Variants in CEP70 observed in about 807,000 individuals in gnomAD.
CEP70 encodes the protein centrosomal protein of 70 kDa.
In CEP70, 70 loss-of-function variants were observed where a neutral mutation model predicts 90.9. The observed-to-expected ratio is 0.77, with a 90% CI of 0.64 to 0.94. The LOEUF (loss-of-function observed/expected upper bound fraction) is 0.94, where lower values mean the gene tolerates loss of function less well. Ranked by LOEUF, CEP70 falls within the 40% of genes least tolerant of loss-of-function variation. The pLI, the probability that CEP70 is intolerant of heterozygous loss-of-function variation, is 0.00. For synonymous variants in CEP70, 220 were observed against 228.3 expected (o/e 0.96, Z 0.33); for missense variants, 648 against 669.0 (o/e 0.97, Z 0.35).
intron 2 of CEP70, among the ~76,000 whole-genome samples, chr3:138,583,383 C>T (rs1366485649): frequency 6.6e-6 from 1 of 152,196 alleles, no homozygotes; most frequent in African/African-American, 2.4e-5. Context: ...ACCACCCTTT[C>T]ATCAGACAGA....
intron 2 of CEP70, among the ~76,000 whole-genome samples, chr3:138,587,312 GAAGA>G (rs2042152365): frequency 6.6e-6 from 1 of 151,474 alleles, no homozygotes; most frequent in Admixed American, 6.6e-5. Flanking sequence ...AAGAAATGAA[GAAGA>G]AATATGAAAA....
At chr3:138,579,901 T>G (rs978321121) in intron 2 of CEP70, among the ~76,000 whole-genome samples, 2 of 151,960 alleles carry the variant, frequency 1.3e-5, no homozygotes, top group African/African-American at 2.4e-5. Flanking sequence ...GGGAAGAGCA[T>G]TAAGAAAGCT....
intron 11 of CEP70, among the ~76,000 whole-genome samples, chr3:138,516,069 A>G (rs2035987398): frequency 6.6e-6 from 1 of 152,056 alleles, no homozygotes; most frequent in African/African-American, 2.4e-5. Context: ...TGTCACTACC[A>G]TCTCTTCTCC....
intron 2 of CEP70, among the ~76,000 whole-genome samples, chr3:138,577,629 C>CAG (rs2041621701): frequency 6.6e-6 from 1 of 152,036 alleles, no homozygotes; most frequent in African/African-American, 2.4e-5. Flanking sequence ...GCCTGGGTGA[C>CAG]AGAGAGAGAC....
At chr3:138,510,388 G>A (rs576585817) in intron 11 of CEP70, among the ~76,000 whole-genome samples, 1 of 151,858 alleles carries the variant, frequency 6.6e-6, no homozygotes, top group East Asian at 1.9e-4. Context: ...AGGTGAGATC[G>A]TGCCACTGCA....
intron 17 of CEP70, among the ~76,000 whole-genome samples, 178 bp from the exon 18 acceptor site, chr3:138,495,254 A>G (rs2033881910): frequency 6.6e-6 from 1 of 152,224 alleles, no homozygotes; most frequent in African/African-American, 2.4e-5. Context: ...ATTCGGATAC[A>G]GATGCTTCAC....
intron 11 of CEP70, among the ~76,000 whole-genome samples, chr3:138,510,134 A>C (rs1026437513): frequency 3.9e-5 from 6 of 152,098 alleles, no homozygotes; most frequent in African/African-American, 1.2e-4. Flanking sequence ...TTGGACCTCA[A>C]ACTGCAAAAG....
chr3:138,582,817 T>C (rs547316875), intron 2 of CEP70, among the ~76,000 whole-genome samples: 41 of 152,070 alleles, frequency 2.7e-4, no homozygotes, highest in Non-Finnish European at 2.4e-4. Flanking sequence ...GATAGTATTT[T>C]CAAGCCTCAT....
chr3:138,516,671 C>G (rs545820297), intron 11 of CEP70, among the ~76,000 whole-genome samples: 1 of 152,308 alleles, frequency 6.6e-6, no homozygotes, highest in African/African-American at 2.4e-5. Context: ...CAGGCGTGAG[C>G]CACTGCACCT....
At chr3:138,521,711 A>T (rs1352693116) in intron 11 of CEP70, among the ~76,000 whole-genome samples, 1 of 150,044 alleles carries the variant, frequency 6.7e-6, no homozygotes, top group Non-Finnish European at 1.5e-5. Context: ...GGGGGTGGGG[A>T]GACCCTCTGC....
Position 138,500,158 on chromosome 3 carries a change from T to A in CEP70, c.1604A>T (p.Asp535Val). ...TACCTGCATAACCTGCTCATTCACATCTTCATTAATCAGCCTACAGAGTTT... is the reference window on the plus strand; with the variant it reads ...TACCTGCATAACCTGCTCATTCACAACTTCATTAATCAGCCTACAGAGTTT... ...VGKLCRLINE[D>V]VNEQVMQVLG... Residue 535 changes from aspartate to valine, a missense_variant, in exon 16 of 18, where the codon GAT becomes GTT. Coordinates refer to ENST00000264982, the MANE Select transcript of CEP70 (RefSeq NM_024491.4). 6.2e-7 allele frequency: 1 copy of A among 1,613,902 alleles called. No individual in the cohort carries two copies. The highest frequency in any genetic ancestry group is 8.5e-7 in the Non-Finnish European group (1 of 1,179,810).
chr3:138,583,296 G>A (rs1222545976), intron 2 of CEP70, among the ~76,000 whole-genome samples: 1 of 152,168 alleles, frequency 6.6e-6, no homozygotes, highest in Non-Finnish European at 1.5e-5. Flanking sequence ...CAACATTGGA[G>A]TACCCTGATA....
chr3:138,577,088 C>T (rs1021545204), intron 2 of CEP70, among the ~76,000 whole-genome samples: 2 of 152,082 alleles, frequency 1.3e-5, no homozygotes, highest in African/African-American at 2.4e-5. Flanking sequence ...AGCAAACTAT[C>T]GCAAGGATAG....
rs184386637 is a variant in CEP70, at chr3:138,576,021, T to G, written c.-5-3089A>C. ...CATGCCAAATTGTAAAGACCATCAA[T>G]GCTAGGAAGAAATTGCATCAACTAA... is the stretch of plus-strand genomic sequence containing the variant. On this transcript the variant is annotated intron_variant, in intron 2 of 17. Coordinates refer to ENST00000264982, the MANE Select transcript of CEP70 (RefSeq NM_024491.4). 2.9e-3 allele frequency among the ~76,000 whole-genome samples: 449 copies of G among 152,256 alleles called. 1 individual carries two copies. The highest frequency in any genetic ancestry group is 6.4e-3 in the South Asian group (31 of 4,828).
chr3:138,547,935 A>G (rs1289352849), intron 6 of CEP70, among the ~76,000 whole-genome samples: 1 of 152,190 alleles, frequency 6.6e-6, no homozygotes, highest in Non-Finnish European at 1.5e-5. Flanking sequence ...TTGACTGACC[A>G]CAGGGAACTG....
chr3:138,578,733 T>C (rs572610799), intron 2 of CEP70, among the ~76,000 whole-genome samples: 5 of 152,220 alleles, frequency 3.3e-5, no homozygotes, highest in African/African-American at 1.2e-4. Flanking sequence ...ATTATAAAAG[T>C]TCAGAAAAAC....
At chr3:138,517,245 T>C (rs888997646) in intron 11 of CEP70, among the ~76,000 whole-genome samples, 3 of 152,204 alleles carry the variant, frequency 2.0e-5, no homozygotes, top group Admixed American at 2.0e-4. Flanking sequence ...TATAGCCAAA[T>C]CCAGCATGGT....
intron 6 of CEP70, among the ~76,000 whole-genome samples, chr3:138,558,866 A>G (rs1206480705): frequency 6.6e-6 from 1 of 152,226 alleles, no homozygotes; most frequent in African/African-American, 2.4e-5. Flanking sequence ...GCAGGCTATA[A>G]AAAGTAATCC....
Position 138,571,175 on chromosome 3 carries a change from A to G in CEP70, c.161-18T>C. On this transcript the variant is annotated intron_variant, in intron 4 of 17. Transcript: ENST00000264982. ...GATGAGATCTACATTTAAAAAGTAT[A>G]TAATACAGATAGTAAAAATAAAAGG... The G allele has an allele frequency of 1.9e-6, 3 of 1,556,862 alleles. No individual in the cohort carries two copies. The highest frequency in any genetic ancestry group is 1.2e-5 in the South Asian group (1 of 83,402).
Sources: allele counts gnomAD v4.1 joint callset (sites outside exome capture counted in the v4.1 genomes callset), GRCh38; gene constraint gnomAD v4.1.1; transcripts MANE v1.5; gene names NCBI Gene and HGNC (gene_info 2026-07-23, HGNC 2026-07-21).